The following ITGB1 variants were observed in gnomAD, a reference collection of about 807,000 sequenced individuals.
ITGB1 encodes the protein integrin subunit beta 1, also known as integrin beta-1.
In ITGB1, 24 loss-of-function variants were observed where a neutral mutation model predicts 86.5. The ratio of observed to expected loss-of-function variants is 0.28; its 90% CI spans 0.20 to 0.39. The LOEUF (loss-of-function observed/expected upper bound fraction) is 0.39. Among genes scored for constraint, ITGB1 ranks in the 10% least tolerant of loss-of-function variants. The pLI is 1.00. For missense variants in ITGB1, 556 were observed against 946.9 expected, an observed-to-expected ratio of 0.59 and a Z score of 5.42; for synonymous variants, 323 against 316.8, an observed-to-expected ratio of 1.02 and a Z score of -0.21.
At chr10:32,937,602 T>TAC (rs1255642183) in intron 1 of ITGB1, among the ~76,000 whole-genome samples, 1 of 148,760 alleles carries the variant, frequency 6.7e-6, no homozygotes, top group African/African-American at 2.5e-5. Flanking sequence ...ATTTTGGATG[T>TAC]AAAGTACACA....
intron 15 of ITGB1, among the ~76,000 whole-genome samples, chr10:32,903,068 G>T (rs2094885914): frequency 6.6e-6 from 1 of 151,956 alleles, no homozygotes; most frequent in African/African-American, 2.4e-5. Context: ...AGAGTTAGGG[G>T]AGGGCAGGCG....
chr10:32,916,728 G>A (rs972883813), intron 11 of ITGB1, among the ~76,000 whole-genome samples: 10 of 152,172 alleles, frequency 6.6e-5, no homozygotes, highest in African/African-American at 2.4e-4. Context: ...CATGCTCATG[G>A]ATAGGAAGAA....
chr10:32,909,621 T>C (rs1392018327), intron 14 of ITGB1, among the ~76,000 whole-genome samples: 1 of 152,176 alleles, frequency 6.6e-6, no homozygotes, highest in East Asian at 1.9e-4. Context: ...TCTAAGAGTC[T>C]GGCAGCTTCT....
At chr10:32,929,432 A>C (rs1478287315) in intron 4 of ITGB1, among the ~76,000 whole-genome samples, 4 of 152,222 alleles carry the variant, frequency 2.6e-5, no homozygotes, top group African/African-American at 9.6e-5. Context: ...ACTAACAGAC[A>C]TAATTACAAA....
intron 11 of ITGB1, among the ~76,000 whole-genome samples, chr10:32,916,662 C>T (rs922599656): frequency 1.3e-5 from 2 of 152,142 alleles, no homozygotes; most frequent in African/African-American, 2.4e-5. Context: ...TCAAGAAGAA[C>T]TACAAACCAC....
chr10:32,909,260 T>C (rs1301240120), intron 14 of ITGB1, among the ~76,000 whole-genome samples: 3 of 152,118 alleles, frequency 2.0e-5, no homozygotes, highest in African/African-American at 7.2e-5. Context: ...AAAGACAGTC[T>C]TTTTTCAACA....
Position 32,911,734 on chromosome 10 carries a change from G to A in ITGB1, c.1709-64C>T, listed in dbSNP as rs1158008871. On this transcript the variant is annotated intron_variant, in intron 12 of 15. Coordinates refer to ENST00000302278, the MANE Select transcript of ITGB1 (RefSeq NM_002211.4). ...ATACAATCACAGTATTGACTGAAAA[G>A]TAAAATAAGCAACAACATGTGAGAA... 4 of 1,554,530 alleles carry A rather than the reference G, an allele frequency of 2.6e-6. No homozygotes were observed. The African/African-American group carries it at 5.4e-5, about 21-fold the overall frequency.
intron 1 of ITGB1, among the ~76,000 whole-genome samples, chr10:32,938,820 G>A (rs911734064): frequency 2.6e-5 from 4 of 152,204 alleles, no homozygotes; most frequent in African/African-American, 9.7e-5. Context: ...GCTAGAGGAT[G>A]ACTCCAATTA....
chr10:32,953,925 T>G (rs1488701939), intron 1 of ITGB1: 1 of 152,096 alleles, frequency 6.6e-6, no homozygotes, highest in Non-Finnish European at 1.5e-5. Context: ...AAAATGCCAC[T>G]CAAAGGAATT....
intron 1 of ITGB1, among the ~76,000 whole-genome samples, chr10:32,948,057 C>A (rs2095035490): frequency 6.6e-6 from 1 of 150,758 alleles, no homozygotes; most frequent in African/African-American, 2.4e-5. Context: ...ACTGGATCCA[C>A]TTTAGGGAAG....
chr10:32,930,119 A>C (rs910621741), intron 3 of ITGB1, 75 bp from the exon 4 acceptor site: 1 of 738,306 alleles, frequency 1.4e-6, no homozygotes, highest in Non-Finnish European at 2.4e-6. Context: ...ATTGCAAATA[A>C]GCAATTAAAT....
At chr10:32,926,228 G>A (rs143979004) in intron 5 of ITGB1, 119 bp from the exon 6 acceptor site, 2 of 752,486 alleles carry the variant, frequency 2.7e-6, no homozygotes, top group African/African-American at 1.8e-5. Context: ...TGGACTGAAT[G>A]TCTGTGTTAC....
intron 11 of ITGB1, among the ~76,000 whole-genome samples, chr10:32,916,746 C>T (rs1214149744): frequency 5.9e-5 from 9 of 152,122 alleles, no homozygotes; most frequent in South Asian, 4.1e-4. Context: ...GAATCAATAT[C>T]GTGAAAATGG....
At chr10:32,929,520 G>A (rs2094976365) in intron 4 of ITGB1, among the ~76,000 whole-genome samples, 1 of 152,170 alleles carries the variant, frequency 6.6e-6, no homozygotes, top group Admixed American at 6.5e-5. Flanking sequence ...AATATATTAT[G>A]TAATTAGACC....
At chr10:32,944,468 C>T in intron 1 of ITGB1, 2 of 360,734 alleles carry the variant, frequency 5.5e-6, no homozygotes, top group Non-Finnish European at 1.1e-5. Flanking sequence ...TGTCGCGCGT[C>T]ACCAAACACT....
chr10:32,921,753 T>G (rs1305711450), intron 9 of ITGB1, among the ~76,000 whole-genome samples: 14 of 152,174 alleles, frequency 9.2e-5, no homozygotes, highest in African/African-American at 3.4e-4. Flanking sequence ...GCAAATCACA[T>G]GTATATTTAC....
Position 32,928,328 on chromosome 10 carries a change from A to AC in ITGB1, c.377-65dup. 8.3e-6 allele frequency: 6 copies of AC among 721,460 alleles called. No homozygotes were observed. The South Asian group carries it at 8.6e-5, about 10-fold the overall frequency. The allele number at this position is 721,460 out of a possible 1,614,324, so 44.7% of individuals were successfully genotyped here. On this transcript the variant is annotated intron_variant, in intron 4 of 15. Coordinates refer to ENST00000302278, the MANE Select transcript of ITGB1 (RefSeq NM_002211.4). Reference sequence around the variant, plus strand: ...TGGCAATCAAACGCAAACGAGAAAAACCAAATAAATGTGGTTTACACGGTA... The same window carrying AC: ...TGGCAATCAAACGCAAACGAGAAAAACCCAAATAAATGTGGTTTACACGGTA...
intron 6 of ITGB1, among the ~76,000 whole-genome samples, chr10:32,924,898 G>T (rs1403617261): frequency 1.3e-5 from 2 of 152,188 alleles, no homozygotes; most frequent in East Asian, 1.9e-4. Flanking sequence ...GCCCTATGAG[G>T]TAGATACTAT....
intron 9 of ITGB1, among the ~76,000 whole-genome samples, chr10:32,921,398 C>T (rs2094949494): frequency 6.6e-6 from 1 of 152,126 alleles, no homozygotes; most frequent in African/African-American, 2.4e-5. Flanking sequence ...TCAGGCCTTT[C>T]CAAACCATTA....
Sources: allele counts gnomAD v4.1 joint callset (sites outside exome capture counted in the v4.1 genomes callset), GRCh38; gene constraint gnomAD v4.1.1; transcripts MANE v1.5; gene names NCBI Gene and HGNC (gene_info 2026-07-23, HGNC 2026-07-21).